Variants in PGM2 observed in about 807,000 individuals in gnomAD.
PGM2 encodes phosphoglucomutase 2, also known as phosphopentomutase.
Under a neutral mutation model 74.6 loss-of-function variants are expected in PGM2, and 57 were observed. The observed-to-expected ratio is 0.76, with a 90% CI of 0.62 to 0.95. The LOEUF is 0.95. Ranked by LOEUF, PGM2 falls within the 40% of genes least tolerant of loss-of-function variation. The pLI is 0.00. For missense variants in PGM2, 706 were observed against 741.9 expected (o/e 0.95, Z 0.56); for synonymous variants, 273 against 260.7 (o/e 1.05, Z -0.46).
intron 3 of PGM2, among the ~76,000 whole-genome samples, chr4:37,837,226 G>A (rs1725592748): frequency 6.6e-6 from 1 of 152,230 alleles, no homozygotes; most frequent in Non-Finnish European, 1.5e-5. Context: ...GATAGACAGA[G>A]AGCTGAAAGG....
intron 2 of PGM2, among the ~76,000 whole-genome samples, chr4:37,830,559 T>C (rs2152174269): frequency 6.6e-6 from 1 of 152,330 alleles, no homozygotes; most frequent in South Asian, 2.1e-4. Flanking sequence ...TTCTCCTTTG[T>C]TTTATAGTAT....
Position 37,847,234 on chromosome 4 carries a change from C to T in PGM2, c.1221C>T (p.Asn407=). Reference sequence around the variant, plus strand: ...TAACTGGCTTTAAGTGGATGGGAAACAGAGCCAAACAGCTAATAGACCAGG... The same window carrying T: ...TAACTGGCTTTAAGTGGATGGGAAATAGAGCCAAACAGCTAATAGACCAGG... ...ETLTGFKWMG[N]RAKQLIDQGK... The change falls in exon 10 of 14, where the codon AAC becomes AAT. Residue 407 remains asparagine (N), a synonymous_variant. Transcript: ENST00000381967. 6.2e-7 allele frequency: 1 copy of T among 1,613,868 alleles called. No homozygotes were observed. Among genetic ancestry groups the T allele is most frequent in the East Asian group, 2.2e-5 (1 of 44,876 alleles).
chr4:37,858,464 G>GT (rs1711631693), intron 13 of PGM2, among the ~76,000 whole-genome samples: 1 of 151,060 alleles, frequency 6.6e-6, no homozygotes, highest in African/African-American at 2.4e-5. Flanking sequence ...AGCCTCCTGA[G>GT]TAGCTGAGAT....
chr4:37,841,100 A>ATGTGTG (rs1553885995), intron 6 of PGM2, among the ~76,000 whole-genome samples: 2 of 115,752 alleles, frequency 1.7e-5, no homozygotes, highest in South Asian at 3.0e-4. Flanking sequence ...ATATATATAT[A>ATGTGTG]TGTGTGTGTG....
At position 37,847,048 on chromosome 4, in the gene PGM2, G is replaced by A. The variant is rs1560417781; in HGVS notation, c.1125G>A (p.Leu375=). 6 of 1,613,732 alleles carry A rather than the reference G, an allele frequency of 3.7e-6. No individual in the cohort carries two copies. The highest frequency in any genetic ancestry group is 5.1e-6 in the Non-Finnish European group (6 of 1,179,684). Residue 375 remains leucine (L), a synonymous_variant, in exon 9 of 14, where the codon TTG becomes TTA. Coordinates refer to ENST00000381967, the MANE Select transcript of PGM2 (RefSeq NM_018290.4). ...DRSALKDTYM[L]SSTVSSKILR... The stretch of plus-strand genomic sequence containing the variant: ...GTGCTCTCAAAGACACGTACATGTT[G>A]TCCAGCACCGTCTCCTCCAAAATCT...
chr4:37,853,340 G>A (rs1251628993), intron 12 of PGM2, among the ~76,000 whole-genome samples: 10 of 134,272 alleles, frequency 7.4e-5, no homozygotes, highest in African/African-American at 2.8e-4. Flanking sequence ...ATCTTGCTGT[G>A]TTGCCCAGGG....
chr4:37,854,427 T>C (rs1726135584), intron 12 of PGM2, among the ~76,000 whole-genome samples: 1 of 152,166 alleles, frequency 6.6e-6, no homozygotes, highest in Non-Finnish European at 1.5e-5. Flanking sequence ...CTCGGCTCAC[T>C]GCAACCTCCA....
chr4:37,841,402 G>A (rs1325315861), intron 6 of PGM2, among the ~76,000 whole-genome samples: 1 of 151,806 alleles, frequency 6.6e-6, no homozygotes, highest in Admixed American at 6.6e-5. Context: ...CCTCCTGATT[G>A]TCCCCCTAGC....
At chr4:37,860,241 C>T (rs1041714479) in intron 13 of PGM2, among the ~76,000 whole-genome samples, 7 of 152,074 alleles carry the variant, frequency 4.6e-5, no homozygotes, top group African/African-American at 9.7e-5. Context: ...TTCTTCAAAG[C>T]ACATTTATGG....
intron 2 of PGM2, among the ~76,000 whole-genome samples, chr4:37,833,129 G>A (rs1725477610): frequency 1.3e-5 from 2 of 152,130 alleles, no homozygotes; most frequent in Admixed American, 6.5e-5. Flanking sequence ...CAATACACAT[G>A]GCCTTATTTC....
At chr4:37,839,964 C>A in intron 5 of PGM2, 33 bp downstream of exon 5, 1 of 1,483,510 alleles carries the variant, frequency 6.7e-7, no homozygotes, top group Non-Finnish European at 9.4e-7. Flanking sequence ...CACGTACATC[C>A]TTCTGTAGGA....
Position 37,861,839 on chromosome 4 carries a change from T to C in PGM2, c.*227T>C, listed in dbSNP as rs933272494. 36 of 393,826 alleles carry C rather than the reference T, an allele frequency of 9.1e-5. No homozygotes were observed. Among genetic ancestry groups the C allele is most frequent in the African/African-American group, 6.4e-4 (32 of 50,226 alleles). 24.4% of individuals were successfully genotyped at this position (393,826 alleles called of 1,614,324 possible). A position where few individuals can be genotyped will look rare whatever the true frequency, so the allele number is the denominator to read the frequency against. ...CTAAAAAGTTGAGCTTGGACATATTTTGAATTTTTGTAAGTGAAGATTTTT... is the reference window on the plus strand; with the variant it reads ...CTAAAAAGTTGAGCTTGGACATATTCTGAATTTTTGTAAGTGAAGATTTTT... On this transcript the variant is annotated 3_prime_UTR_variant, in exon 14 of 14. Coordinates refer to ENST00000381967, the MANE Select transcript of PGM2 (RefSeq NM_018290.4).
chr4:37,847,065 CCA>C lies in PGM2; in HGVS notation c.1143_1144del (p.Lys382AsnfsTer14). 1 of 1,613,862 alleles carries C rather than the reference CCA, an allele frequency of 6.2e-7. No homozygotes were observed. The highest frequency in any genetic ancestry group is 8.5e-7 in the Non-Finnish European group (1 of 1,179,792). On this transcript the variant is annotated frameshift_variant, in exon 9 of 14. Transcript: ENST00000381967. LOFTEE classifies it high-confidence loss of function. Reference sequence around the variant, plus strand: ...TACATGTTGTCCAGCACCGTCTCCTCCAAAATCTTGCGGGCCATTGCCTTAAA... The same window carrying C: ...TACATGTTGTCCAGCACCGTCTCCTCAAATCTTGCGGGCCATTGCCTTAAA...
intron 1 of PGM2, among the ~76,000 whole-genome samples, chr4:37,828,540 G>A (rs921575732): frequency 2.0e-5 from 3 of 152,052 alleles, no homozygotes; most frequent in African/African-American, 7.2e-5. Context: ...TCTTTCCACC[G>A]TGCCTTCATC....
At position 37,862,888 on chromosome 4, in the gene PGM2, T is replaced by C. The variant is rs1317962093; in HGVS notation, c.*1276T>C. 1 of 152,174 alleles carries C rather than the reference T, an allele frequency of 6.6e-6. No individual in the cohort carries two copies. The highest frequency in any genetic ancestry group is 1.5e-5 in the Non-Finnish European group (1 of 68,044). The allele number at this position is 152,174 out of a possible 1,614,324, so 9.4% of individuals were successfully genotyped here. A position where few individuals can be genotyped will look rare whatever the true frequency, so the allele number is the denominator to read the frequency against. On this transcript the variant is annotated 3_prime_UTR_variant, in exon 14 of 14. Coordinates refer to ENST00000381967, the MANE Select transcript of PGM2 (RefSeq NM_018290.4). ...AGCCATATTTATGTTTATTTTATAA[T>C]GTTTTCTAGTGTCAAACTGTACTGT...
At chr4:37,840,614 G>T (rs1178953983) in intron 6 of PGM2, among the ~76,000 whole-genome samples, 1 of 152,066 alleles carries the variant, frequency 6.6e-6, no homozygotes, top group Non-Finnish European at 1.5e-5. Flanking sequence ...TGAACTCCTG[G>T]CCTCAAGTGA....
At chr4:37,839,111 A>ATTTTTTTTTTTTTTTTTTTTTTTTTT (rs60423053) in intron 4 of PGM2, among the ~76,000 whole-genome samples, 3 of 94,660 alleles carry the variant, frequency 3.2e-5, no homozygotes, top group Non-Finnish European at 6.4e-5. Context: ...ATTCCCTCAA[A>ATTTTTTTTTTTTTTTTTTTTTTTTTT]TTTTTTTTTT....
chr4:37,852,133 C>CTTTT (rs778968323), intron 12 of PGM2, among the ~76,000 whole-genome samples: 1 of 47,258 alleles, frequency 2.1e-5, no homozygotes, highest in Non-Finnish European at 4.0e-5. Context: ...ATGCCCAGCT[C>CTTTT]TTTTTTTTTT....
At position 37,857,596 on chromosome 4, in the gene PGM2, C is replaced by T. The variant is rs746719187; in HGVS notation, c.1736+1855C>T. On this transcript the variant is annotated intron_variant, in intron 13 of 13. Transcript: ENST00000381967. ...AATAGCATTCTACACCCAAGTGAGC[C>T]CAGAATACAGCTCCACTCCAACACA... 1.2e-3 allele frequency among the ~76,000 whole-genome samples: 188 copies of T among 152,176 alleles called. 3 individuals carry two copies. Among genetic ancestry groups the T allele is most frequent in the Admixed American group, 2.2e-3 (33 of 15,272 alleles).
Sources: allele counts gnomAD v4.1 joint callset (sites outside exome capture counted in the v4.1 genomes callset), GRCh38; gene constraint gnomAD v4.1.1; transcripts MANE v1.5; gene names NCBI Gene and HGNC (gene_info 2026-07-23, HGNC 2026-07-21).